NCAM1: variants seen among roughly 807,000 people sequenced by gnomAD.
NCAM1 encodes the protein neural cell adhesion molecule 1, also known as antigen recognized by monoclonal antibody 5.1H11.
NCAM1 carries 14 observed loss-of-function variants against 109.8 expected under a neutral mutation model. The ratio of observed to expected loss-of-function variants is 0.13; its 90% CI spans 0.08 to 0.20. NCAM1 has a LOEUF of 0.20. Among genes scored for constraint, NCAM1 ranks in the 10% least tolerant of loss-of-function variants. NCAM1 has a pLI of 1.00. For missense variants in NCAM1, 774 were observed against 1,109.9 expected, an observed-to-expected ratio of 0.70 and a Z score of 4.30; for synonymous variants, 418 against 442.9, an observed-to-expected ratio of 0.94 and a Z score of 0.70.
intron 1 of NCAM1, among the ~76,000 whole-genome samples, chr11:113,083,927 G>C (rs575697532): frequency 1.8e-4 from 28 of 152,338 alleles, no homozygotes; most frequent in Admixed American, 8.5e-4. Flanking sequence ...TGAAGAGCCA[G>C]TTGAACTAAC....
rs550010353 is a variant in NCAM1 at position 113,207,736 on chromosome 11, C to G, written c.747-97C>G. 76 of 1,312,836 alleles carry G rather than the reference C, an allele frequency of 5.8e-5. No homozygotes were observed. The South Asian group carries it at 9.8e-4, about 17-fold the overall frequency. The allele number at this position is 1,312,836 out of a possible 1,614,324, so 81.3% of individuals were successfully genotyped here. A position where few individuals can be genotyped will look rare whatever the true frequency, so the allele number is the denominator to read the frequency against. On this transcript the variant is annotated intron_variant, in intron 6 of 19. Transcript: ENST00000316851. ...TTTTGTGAAGACTGAGGAGTCTTTCCCATTGACTCAGTCTGCATTCTATGG... is the reference window on the plus strand; with the variant it reads ...TTTTGTGAAGACTGAGGAGTCTTTCGCATTGACTCAGTCTGCATTCTATGG...
chr11:113,256,302 A>G (rs549307421), intron 16 of NCAM1, among the ~76,000 whole-genome samples: 1 of 152,312 alleles, frequency 6.6e-6, no homozygotes, highest in Non-Finnish European at 1.5e-5. Context: ...GCCATTATCT[A>G]GTACTTCTTG....
chr11:113,247,803 G>A (rs1945546964), intron 15 of NCAM1, among the ~76,000 whole-genome samples: 4 of 152,170 alleles, frequency 2.6e-5, no homozygotes, highest in Admixed American at 2.0e-4. Flanking sequence ...AATATAGACA[G>A]CTTAAGATTT....
At chr11:113,191,773 G>GTGTATA (rs554993048) in intron 1 of NCAM1, among the ~76,000 whole-genome samples, 1 of 139,224 alleles carries the variant, frequency 7.2e-6, no homozygotes, top group South Asian at 2.2e-4. Context: ...GTGTGTGTGT[G>GTGTATA]TATATATATA....
intron 1 of NCAM1, among the ~76,000 whole-genome samples, chr11:113,192,715 G>A (rs1943722072): frequency 6.6e-6 from 1 of 152,166 alleles, no homozygotes; most frequent in Non-Finnish European, 1.5e-5. Flanking sequence ...AGAAAGCCCT[G>A]GGTCAAGTGT....
chr11:113,056,016 TATATATATAA>T (rs1953698077), intron 1 of NCAM1, among the ~76,000 whole-genome samples: 5 of 112,684 alleles, frequency 4.4e-5, no homozygotes, highest in South Asian at 2.7e-4. Flanking sequence ...TATATATATA[TATATATATAA>T]AATATATATA....
intron 1 of NCAM1, among the ~76,000 whole-genome samples, chr11:113,150,208 A>C (rs1230709602): frequency 6.6e-6 from 1 of 152,210 alleles, no homozygotes; most frequent in African/African-American, 2.4e-5. Context: ...TGGTGAATTT[A>C]TCTGTGAGTT....
At chr11:113,116,168 G>A (rs1029492019) in intron 1 of NCAM1, among the ~76,000 whole-genome samples, 2 of 152,330 alleles carry the variant, frequency 1.3e-5, no homozygotes, top group East Asian at 1.9e-4. Context: ...GCTTTTGACA[G>A]TAAGGGCTGT....
intron 1 of NCAM1, among the ~76,000 whole-genome samples, chr11:113,030,100 G>A (rs574959961): frequency 2.8e-4 from 43 of 152,300 alleles, no homozygotes; most frequent in African/African-American, 8.9e-4. Context: ...GTGACCCCAG[G>A]CAAGTTATTT....
intron 16 of NCAM1, among the ~76,000 whole-genome samples, chr11:113,258,007 C>T (rs1274497818): frequency 6.6e-6 from 1 of 152,258 alleles, no homozygotes; most frequent in Admixed American, 6.5e-5. Flanking sequence ...TTGGCTAGTG[C>T]AAACCCTTTT....
chr11:113,169,437 T>C (rs1555105840), intron 1 of NCAM1, among the ~76,000 whole-genome samples: 1 of 152,166 alleles, frequency 6.6e-6, no homozygotes, highest in East Asian at 1.9e-4. Context: ...TGGCAGCTCC[T>C]CAAAAATATA....
chr11:113,178,159 C>T (rs1555107388), intron 1 of NCAM1, among the ~76,000 whole-genome samples: 1 of 152,122 alleles, frequency 6.6e-6, no homozygotes, highest in Non-Finnish European at 1.5e-5. Context: ...GCCCCATTCT[C>T]CGGGTGCTTC....
chr11:113,018,240 A>T (rs1398407639), intron 1 of NCAM1, among the ~76,000 whole-genome samples: 3 of 152,040 alleles, frequency 2.0e-5, no homozygotes, highest in African/African-American at 4.8e-5. Flanking sequence ...TCAAGTATAC[A>T]GTCCTGTACT....
At chr11:113,047,566 T>A (rs1355098365) in intron 1 of NCAM1, among the ~76,000 whole-genome samples, 1 of 152,192 alleles carries the variant, frequency 6.6e-6, no homozygotes, top group Non-Finnish European at 1.5e-5. Flanking sequence ...CTGGTGTCCC[T>A]GAAGTCAACA....
intron 1 of NCAM1, among the ~76,000 whole-genome samples, chr11:113,175,547 A>G (rs1943119925): frequency 6.6e-6 from 1 of 152,188 alleles, no homozygotes; most frequent in Non-Finnish European, 1.5e-5. Flanking sequence ...CCTTATGTGT[A>G]TATTTGGTTT....
At chr11:113,128,537 C>T (rs1415454710) in intron 1 of NCAM1, among the ~76,000 whole-genome samples, 3 of 152,020 alleles carry the variant, frequency 2.0e-5, no homozygotes, top group Non-Finnish European at 4.4e-5. Flanking sequence ...GTATATACTC[C>T]ATGGTGACAA....
At chr11:112,984,019 G>A (rs782146329) in intron 1 of NCAM1, among the ~76,000 whole-genome samples, 109 of 151,740 alleles carry the variant, frequency 7.2e-4, no homozygotes, top group Admixed American at 2.8e-3. Flanking sequence ...CTCCATAATT[G>A]CAACTTTGTA....
At chr11:113,151,451 A>G (rs1555102443) in intron 1 of NCAM1, among the ~76,000 whole-genome samples, 1 of 152,236 alleles carries the variant, frequency 6.6e-6, no homozygotes, top group African/African-American at 2.4e-5. Flanking sequence ...GGGGAGGCTG[A>G]AAATGACTAG....
chr11:113,157,792 G>T (rs1942468190), intron 1 of NCAM1, among the ~76,000 whole-genome samples: 1 of 151,162 alleles, frequency 6.6e-6, no homozygotes, highest in South Asian at 2.2e-4. Flanking sequence ...TTTTATTTTT[G>T]CAAATTATTT....
Sources: gnomAD v4.1 joint callset for allele counts (sites outside exome capture counted in the v4.1 genomes callset) on GRCh38, gnomAD v4.1.1 for gene constraint, MANE v1.5 for transcripts, NCBI Gene and HGNC (gene_info 2026-07-23, HGNC 2026-07-21) for gene names.